RAD51B: variants seen among roughly 807,000 people sequenced by gnomAD.
RAD51B encodes DNA repair protein RAD51 homolog 2.
RAD51B carries 38 observed loss-of-function variants against 42.2 expected under a neutral mutation model. The ratio of observed to expected loss-of-function variants is 0.90; its 90% CI spans 0.70 to 1.18. The LOEUF (loss-of-function observed/expected upper bound fraction) is 1.18, where lower values mean the gene tolerates loss of function less well. Ranked by LOEUF, RAD51B falls within the 50% of genes most tolerant of loss-of-function variation. The pLI is 0.00. For synonymous variants in RAD51B, 154 were observed against 145.2 expected (o/e 1.06, Z -0.43); for missense variants, 373 against 400.7 (o/e 0.93, Z 0.59).
intron 7 of RAD51B, among the ~76,000 whole-genome samples, chr14:68,255,199 A>G (rs1261030527): frequency 6.6e-6 from 1 of 151,914 alleles, no homozygotes; most frequent in Non-Finnish European, 1.5e-5. Flanking sequence ...TTTGTGTTTC[A>G]ACTATTTTCA....
chr14:68,095,692 T>C (rs1285393714), intron 7 of RAD51B, among the ~76,000 whole-genome samples: 1 of 151,818 alleles, frequency 6.6e-6, no homozygotes, highest in Non-Finnish European at 1.5e-5. Flanking sequence ...ACAAACAGAC[T>C]CAGCCAGGCA....
chr14:68,674,069 A>C (rs10140303), intron 11 of RAD51B, among the ~76,000 whole-genome samples: 111,688 of 152,050 alleles, frequency 0.73, 42,148 homozygotes, highest in African/African-American at 0.9. Flanking sequence ...TATACACATA[A>C]ACACACATAC....
At chr14:67,965,662 G>A (rs941311971) in intron 7 of RAD51B, among the ~76,000 whole-genome samples, 2 of 151,842 alleles carry the variant, frequency 1.3e-5, no homozygotes, top group African/African-American at 4.8e-5. Context: ...ATTGCCAGAC[G>A]CACACACACA....
At chr14:68,340,035 A>G (rs181451855) in intron 8 of RAD51B, among the ~76,000 whole-genome samples, 76 of 152,334 alleles carry the variant, frequency 5.0e-4, no homozygotes, top group African/African-American at 1.8e-3. Context: ...TGTTTTTAGG[A>G]GGAATGTAAC....
At chr14:68,541,130 C>T (rs1272345999) in intron 10 of RAD51B, 1 of 985,418 alleles carries the variant, frequency 1.0e-6, no homozygotes, top group Non-Finnish European at 1.2e-6. Flanking sequence ...TAGGTTTAGG[C>T]TCTAGACCAG....
intron 7 of RAD51B, among the ~76,000 whole-genome samples, chr14:68,087,909 T>C (rs2077014988): frequency 8.0e-6 from 1 of 125,048 alleles, no homozygotes; most frequent in Non-Finnish European, 1.6e-5. Context: ...TTTATATAAT[T>C]ATATAATATA....
At chr14:68,657,937 C>G (rs1240881353) in intron 11 of RAD51B, among the ~76,000 whole-genome samples, 1 of 152,232 alleles carries the variant, frequency 6.6e-6, no homozygotes, top group Non-Finnish European at 1.5e-5. Flanking sequence ...AAGCTGCTGC[C>G]CATGAGCTGA....
chr14:68,097,228 G>A (rs1368778020), intron 7 of RAD51B, among the ~76,000 whole-genome samples: 3 of 151,464 alleles, frequency 2.0e-5, no homozygotes, highest in Non-Finnish European at 4.4e-5. Context: ...ATATTTTTTA[G>A]TAAAAGTGTA....
intron 9 of RAD51B, among the ~76,000 whole-genome samples, chr14:68,452,835 G>A (rs907305367): frequency 6.6e-6 from 1 of 152,220 alleles, no homozygotes; most frequent in Non-Finnish European, 1.5e-5. Context: ...AGGAAAGTAA[G>A]TCTTGAAGAG....
intron 10 of RAD51B, among the ~76,000 whole-genome samples, chr14:68,617,924 A>T (rs1891859171): frequency 6.6e-6 from 1 of 152,114 alleles, no homozygotes; most frequent in South Asian, 2.1e-4. Context: ...GGGGAGGGTA[A>T]ATCTGGATCC....
At chr14:68,357,168 C>CT (rs1200214003) in intron 8 of RAD51B, among the ~76,000 whole-genome samples, 1 of 152,182 alleles carries the variant, frequency 6.6e-6, no homozygotes, top group African/African-American at 2.4e-5. Context: ...CTGTGATATT[C>CT]TAAATCCCTT....
chr14:68,296,861 G>A (rs980311753), intron 8 of RAD51B, among the ~76,000 whole-genome samples: 21 of 152,162 alleles, frequency 1.4e-4, no homozygotes, highest in East Asian at 9.6e-4. Flanking sequence ...CTTGTTTTCC[G>A]ATAGACCATA....
intron 8 of RAD51B, among the ~76,000 whole-genome samples, chr14:68,372,144 C>T (rs910604559): frequency 6.6e-6 from 1 of 152,096 alleles, no homozygotes; most frequent in African/African-American, 2.4e-5. Flanking sequence ...GCTAAGAGGT[C>T]CAATAAGATG....
intron 8 of RAD51B, among the ~76,000 whole-genome samples, chr14:68,392,876 C>T (rs1038527839): frequency 1.3e-5 from 2 of 152,142 alleles, no homozygotes; most frequent in African/African-American, 4.8e-5. Context: ...CAGCCCACGC[C>T]GAGAAAATCC....
In RAD51B at chr14:67,844,197, G is replaced by T. The variant is rs140616021; in HGVS notation, c.315+9001G>T. On this transcript the variant is annotated intron_variant, in intron 4 of 10. Transcript: ENST00000471583. The stretch of plus-strand genomic sequence containing the variant: ...TAGTATTGATTTCTATTTTTATTGT[G>T]TTATGGTCCAAGAGTGTGATTGGTA... Among the ~76,000 whole-genome samples the T allele has an allele frequency of 3.4e-3, 505 of 149,294 alleles. 6 individuals are homozygous for T. The highest frequency in any genetic ancestry group is 0.012 in the African/African-American group (474 of 40,908).
intron 11 of RAD51B, among the ~76,000 whole-genome samples, chr14:68,680,722 G>A (rs1893409907): frequency 6.6e-6 from 1 of 152,068 alleles, no homozygotes; most frequent in African/African-American, 2.4e-5. Flanking sequence ...AATAAACAAC[G>A]TCAACAGCTT....
intron 8 of RAD51B, among the ~76,000 whole-genome samples, chr14:68,371,443 G>T (rs1460388691): frequency 1.3e-5 from 2 of 152,120 alleles, no homozygotes; most frequent in Admixed American, 6.6e-5. Context: ...GCTTGAACGC[G>T]GGAGGCGGAG....
chr14:67,836,429 C>T (rs971559062), intron 4 of RAD51B, among the ~76,000 whole-genome samples: 20 of 151,580 alleles, frequency 1.3e-4, no homozygotes, highest in Admixed American at 3.3e-4. Context: ...TGCCACTTTT[C>T]GTCATTAGAA....
intron 7 of RAD51B, among the ~76,000 whole-genome samples, chr14:68,127,883 GT>G (rs1353752845): frequency 6.6e-6 from 1 of 152,156 alleles, no homozygotes; most frequent in Non-Finnish European, 1.5e-5. Context: ...GGAATTGCCT[GT>G]TAGTTTGTGT....
Sources: gnomAD v4.1 joint callset for allele counts (sites outside exome capture counted in the v4.1 genomes callset) on GRCh38, gnomAD v4.1.1 for gene constraint, MANE v1.5 for transcripts, NCBI Gene and HGNC (gene_info 2026-07-23, HGNC 2026-07-21) for gene names.